Variants in CSGALNACT1 observed in about 807,000 individuals in gnomAD.
CSGALNACT1 encodes beta4GalNAcT-1.
CSGALNACT1 carries 52 observed loss-of-function variants against 51.0 expected under a neutral mutation model. That is an observed-to-expected ratio of 1.02 (90% CI 0.82 to 1.29). The LOEUF (loss-of-function observed/expected upper bound fraction) is 1.29, where lower values mean the gene tolerates loss of function less well. Among genes scored for constraint, CSGALNACT1 ranks in the 50% most tolerant of loss-of-function variants. CSGALNACT1 has a pLI of 0.00. For synonymous variants in CSGALNACT1, 341 were observed against 254.4 expected, an observed-to-expected ratio of 1.34 and a Z score of -3.24; for missense variants, 935 against 679.2, an observed-to-expected ratio of 1.38 and a Z score of -4.19.
At chr8:19,681,755 A>C (rs1359649464) in intron 1 of CSGALNACT1, among the ~76,000 whole-genome samples, 1 of 152,114 alleles carries the variant, frequency 6.6e-6, no homozygotes, top group African/African-American at 2.4e-5. Context: ...TGGGAATGCC[A>C]GGCTGGGCCA....
intron 6 of CSGALNACT1, among the ~76,000 whole-genome samples, chr8:19,431,253 G>A (rs2059610205): frequency 6.6e-6 from 1 of 151,996 alleles, no homozygotes; most frequent in South Asian, 2.1e-4. Context: ...GATCTTATGG[G>A]GAGAACATTC....
intron 3 of CSGALNACT1, among the ~76,000 whole-genome samples, chr8:19,587,648 A>G (rs1438549464): frequency 6.6e-6 from 1 of 152,212 alleles, no homozygotes; most frequent in African/African-American, 2.4e-5. Context: ...CTTATTACAT[A>G]CAGATGCCCT....
intron 1 of CSGALNACT1, among the ~76,000 whole-genome samples, chr8:19,733,932 C>T (rs923912182): frequency 6.6e-6 from 1 of 152,092 alleles, no homozygotes; most frequent in Non-Finnish European, 1.5e-5. Flanking sequence ...GGAGTGCAAG[C>T]CCAAACCATA....
intron 2 of CSGALNACT1, among the ~76,000 whole-genome samples, chr8:19,600,969 C>T (rs909455006): frequency 1.3e-5 from 2 of 151,496 alleles, no homozygotes; most frequent in Admixed American, 6.6e-5. Flanking sequence ...TATTGAATTA[C>T]TTCTAGAAAA....
intron 2 of CSGALNACT1, among the ~76,000 whole-genome samples, chr8:19,597,191 G>GA (rs977582946): frequency 6.6e-6 from 1 of 151,214 alleles, no homozygotes; most frequent in African/African-American, 2.4e-5. Flanking sequence ...TTTTAAGGCT[G>GA]AAAAATATTC....
chr8:19,636,765 G>C (rs568932353), intron 1 of CSGALNACT1, among the ~76,000 whole-genome samples: 1 of 152,086 alleles, frequency 6.6e-6, no homozygotes. Context: ...TCCTTCTCCC[G>C]AGTTTTGTAA....
chr8:19,604,085 C>T (rs540637233), upstream of CSGALNACT1, among the ~76,000 whole-genome samples: 2 of 152,288 alleles, frequency 1.3e-5, no homozygotes, highest in South Asian at 4.1e-4. Flanking sequence ...CTGGAAAGTA[C>T]ATGTCTCCTT....
At position 19,636,822 on chromosome 8, in the gene CSGALNACT1, G is replaced by C. The variant is rs2056129272; in HGVS notation, c.-543-34957C>G. Among the ~76,000 whole-genome samples the C allele has an allele frequency of 2.0e-5, 3 of 152,088 alleles. 1 individual carries two copies. In the South Asian group the frequency reaches 6.2e-4, roughly 32 times the overall value. ...CCATTTCAATGTGGATGCTTTCACA[G>C]GTCAATCAAAATCCTTGAGACAATT... On this transcript the variant is annotated intron_variant, in intron 1 of 9. Coordinates refer to the CSGALNACT1 transcript ENST00000332246.
rs78984713 is a variant in CSGALNACT1, at chr8:19,655,581, T to C, written c.-544+26892A>G. 9.6e-3 allele frequency among the ~76,000 whole-genome samples: 1,037 copies of C among 107,542 alleles called. 17 individuals are homozygous for C. Among genetic ancestry groups the C allele is most frequent in the East Asian group, 0.087 (119 of 1,366 alleles). The allele number at this position is 107,542 out of a possible 152,430, so 70.6% of individuals were successfully genotyped here. A position where few individuals can be genotyped will look rare whatever the true frequency, so the allele number is the denominator to read the frequency against. ...ATATACACACACACACACACACACA[T>C]ATATATATATATATATTTGCAGAGA... On this transcript the variant is annotated intron_variant, in intron 1 of 9. Transcript: ENST00000332246.
intron 4 of CSGALNACT1, among the ~76,000 whole-genome samples, chr8:19,470,381 T>G (rs1170363478): frequency 6.6e-6 from 1 of 151,998 alleles, no homozygotes; most frequent in Admixed American, 6.6e-5. Context: ...AGTAAGGATG[T>G]GGGAAACAAC....
chr8:19,687,911 A>G (rs2061066743), intron 1 of CSGALNACT1, among the ~76,000 whole-genome samples: 2 of 152,234 alleles, frequency 1.3e-5, no homozygotes, highest in Admixed American at 6.5e-5. Context: ...AGGAAAAAGA[A>G]TCAAGTTTCT....
chr8:19,685,399 C>G (rs2154211497), upstream of CSGALNACT1, among the ~76,000 whole-genome samples: 1 of 152,206 alleles, frequency 6.6e-6, no homozygotes, highest in East Asian at 1.9e-4. Context: ...AACCAGGAGG[C>G]TGAGATGGGA....
intron 1 of CSGALNACT1, among the ~76,000 whole-genome samples, chr8:19,662,074 ACCCCCC>A (rs1159242984): frequency 3.7e-3 from 128 of 35,038 alleles, no homozygotes; most frequent in Middle Eastern, 0.034. Context: ...ACCCCCCCCC[ACCCCCC>A]CCCCCCCCCG....
chr8:19,644,417 AG>A (rs1034428748), intron 1 of CSGALNACT1, among the ~76,000 whole-genome samples: 2 of 150,698 alleles, frequency 1.3e-5, no homozygotes, highest in African/African-American at 4.9e-5. Flanking sequence ...AAAAAAAAAA[AG>A]GTAATGAGGG....
At chr8:19,506,485 G>A (rs2077353299) in intron 3 of CSGALNACT1, among the ~76,000 whole-genome samples, 1 of 152,210 alleles carries the variant, frequency 6.6e-6, no homozygotes, top group African/African-American at 2.4e-5. Context: ...AAGCAAAAAT[G>A]TTAATGACAC....
At chr8:19,681,356 C>T (rs953289953) in intron 1 of CSGALNACT1, among the ~76,000 whole-genome samples, 12 of 152,246 alleles carry the variant, frequency 7.9e-5, no homozygotes, top group Middle Eastern at 3.4e-3. Context: ...ATAAATGCAG[C>T]GGGAGAGAGA....
chr8:19,711,374 G>A (rs1374127799), intron 1 of CSGALNACT1, among the ~76,000 whole-genome samples: 1 of 152,188 alleles, frequency 6.6e-6, no homozygotes, highest in Non-Finnish European at 1.5e-5. Flanking sequence ...AAGGAAGAGA[G>A]TGTAACAAGT....
At chr8:19,706,730 C>T (rs2062190583) in intron 1 of CSGALNACT1, among the ~76,000 whole-genome samples, 1 of 152,072 alleles carries the variant, frequency 6.6e-6, no homozygotes, top group Non-Finnish European at 1.5e-5. Flanking sequence ...CTCAAGCAAT[C>T]CTCCTCACCA....
chr8:19,733,062 C>G (rs1381869971), intron 1 of CSGALNACT1, among the ~76,000 whole-genome samples: 2 of 152,142 alleles, frequency 1.3e-5, no homozygotes, highest in Non-Finnish European at 2.9e-5. Context: ...TGGTACAGTG[C>G]TGAAAGAGGA....
Sources: gnomAD v4.1 joint callset for allele counts (sites outside exome capture counted in the v4.1 genomes callset) on GRCh38, gnomAD v4.1.1 for gene constraint, MANE v1.5 for transcripts, NCBI Gene and HGNC (gene_info 2026-07-23, HGNC 2026-07-21) for gene names.